TFDP2: variants seen among roughly 807,000 people sequenced by gnomAD.
TFDP2 encodes the protein transcription factor Dp-2 (E2F dimerization partner 2).
In TFDP2, 17 loss-of-function variants were observed where a neutral mutation model predicts 59.3. The observed-to-expected ratio is 0.29, with a 90% confidence interval of 0.20 to 0.43. TFDP2 has a LOEUF of 0.43. Ranked by LOEUF, TFDP2 falls within the 20% of genes least tolerant of loss-of-function variation. The pLI is 1.00. For synonymous variants in TFDP2, 180 were observed against 194.7 expected (o/e 0.92, Z 0.63); for missense variants, 391 against 528.8 (o/e 0.74, Z 2.56).
At chr3:142,124,980 G>C (rs1017157450) in intron 1 of TFDP2, among the ~76,000 whole-genome samples, 1 of 152,056 alleles carries the variant, frequency 6.6e-6, no homozygotes, top group Admixed American at 6.6e-5. Context: ...AGTATTGCTC[G>C]AGGCCAGGAG....
At chr3:142,030,459 T>A (rs1946367297) in intron 3 of TFDP2, among the ~76,000 whole-genome samples, 1 of 152,234 alleles carries the variant, frequency 6.6e-6, no homozygotes, top group Non-Finnish European at 1.5e-5. Flanking sequence ...CAGTTTGGTA[T>A]ATTAAAATCT....
intron 3 of TFDP2, among the ~76,000 whole-genome samples, chr3:142,086,416 A>G (rs1451100671): frequency 6.6e-6 from 1 of 152,202 alleles, no homozygotes; most frequent in Non-Finnish European, 1.5e-5. Flanking sequence ...CCAACCAGCT[A>G]TAAATTGGGG....
intron 1 of TFDP2, among the ~76,000 whole-genome samples, chr3:142,139,684 G>T (rs1232736361): frequency 6.6e-6 from 1 of 152,166 alleles, no homozygotes; most frequent in East Asian, 1.9e-4. Flanking sequence ...TAAGAATGTT[G>T]AATAATGGCC....
intron 6 of TFDP2, among the ~76,000 whole-genome samples, chr3:141,982,497 G>C (rs1319814195): frequency 6.6e-6 from 1 of 151,998 alleles, no homozygotes; most frequent in Admixed American, 6.6e-5. Flanking sequence ...CATCAATTGA[G>C]ATAACTCACT....
chr3:141,997,244 G>A (rs900233962), intron 4 of TFDP2, among the ~76,000 whole-genome samples: 13 of 152,024 alleles, frequency 8.6e-5, no homozygotes, highest in African/African-American at 3.1e-4. Context: ...TAAAATAATA[G>A]GGGAAAAAGT....
chr3:142,028,728 A>G (rs1225643005), intron 3 of TFDP2: 21 of 985,224 alleles, frequency 2.1e-5, no homozygotes, highest in Non-Finnish European at 2.4e-5. Flanking sequence ...AACTAAAAAG[A>G]TGCTCAAGAA....
chr3:141,968,525 TATAG>T (rs1938704899), intron 9 of TFDP2, among the ~76,000 whole-genome samples: 1 of 110,258 alleles, frequency 9.1e-6, no homozygotes, highest in Non-Finnish European at 1.7e-5. Context: ...ATCTCATATA[TATAG>T]ATATATATAA....
intron 3 of TFDP2, among the ~76,000 whole-genome samples, chr3:142,012,831 T>G (rs991747081): frequency 1.3e-5 from 2 of 152,154 alleles, no homozygotes; most frequent in African/African-American, 4.8e-5. Flanking sequence ...TGCATGCACT[T>G]GTTTTATAAT....
At chr3:142,118,411 A>G (rs1305671803) in intron 1 of TFDP2, among the ~76,000 whole-genome samples, 2 of 152,226 alleles carry the variant, frequency 1.3e-5, no homozygotes, top group Non-Finnish European at 2.9e-5. Context: ...GTTGAAAAAC[A>G]ACTGTAACAC....
At chr3:142,054,064 A>C (rs966642511) in intron 3 of TFDP2, 17 of 152,292 alleles carry the variant, frequency 1.1e-4, no homozygotes, top group African/African-American at 3.1e-4. Flanking sequence ...TTGTACAAAC[A>C]CTTTGGGAAA....
At chr3:142,067,506 A>T (rs1257309948) in intron 3 of TFDP2, among the ~76,000 whole-genome samples, 3 of 152,228 alleles carry the variant, frequency 2.0e-5, no homozygotes, top group Admixed American at 2.0e-4. Context: ...TTCCATGCTC[A>T]TGAATAGGAA....
rs1560034097 is a variant in TFDP2, at chr3:142,014,612, A to T, written c.83-9068T>A. ...TTAATTAGTAAGATGCTAACTATAG[A>T]TTACACCATCTTCTTGCTTTTCTTC... is the stretch of plus-strand genomic sequence containing the variant. On this transcript the variant is annotated intron_variant, in intron 3 of 12. Coordinates refer to ENST00000489671, the MANE Select transcript of TFDP2 (RefSeq NM_001178139.2). 2.0e-5 allele frequency among the ~76,000 whole-genome samples: 3 copies of T among 152,088 alleles called. No homozygotes were observed. In the South Asian group the frequency reaches 6.2e-4, roughly 32 times the overall value.
chr3:141,962,595 G>A (rs1937507147), intron 10 of TFDP2, among the ~76,000 whole-genome samples: 1 of 152,092 alleles, frequency 6.6e-6, no homozygotes, highest in Non-Finnish European at 1.5e-5. Flanking sequence ...CTGATCTCAG[G>A]TGATCCACTA....
At chr3:142,032,920 G>A (rs1251031060) in intron 3 of TFDP2, among the ~76,000 whole-genome samples, 1 of 152,186 alleles carries the variant, frequency 6.6e-6, no homozygotes, top group African/African-American at 2.4e-5. Flanking sequence ...AATCAGCCAG[G>A]CGCAGTGGCT....
intron 1 of TFDP2, among the ~76,000 whole-genome samples, chr3:142,129,779 A>C (rs756021229): frequency 1.1e-4 from 16 of 151,910 alleles, no homozygotes; most frequent in Admixed American, 3.9e-4. Context: ...CTTTTACAAA[A>C]AAATTAAAAC....
chr3:141,949,851 C>T lies in TFDP2; in HGVS notation c.*2662G>A, dbSNP rs1479246697. On this transcript the variant is annotated 3_prime_UTR_variant, in exon 13 of 13. Transcript: ENST00000489671. ...TTGAGACAGGGTCTTGCTCTGTCAC[C>T]CAGGCTGGAGTGCAGTGGTGTGATC... 6 of 132,830 alleles carry T rather than the reference C, an allele frequency of 4.5e-5. No individual in the cohort carries two copies. Among genetic ancestry groups the T allele is most frequent in the Non-Finnish European group, 9.1e-5 (6 of 65,658 alleles). 8.2% of individuals were successfully genotyped at this position (132,830 alleles called of 1,614,324 possible).
chr3:141,977,106 A>ATATTT (rs1371079134), intron 7 of TFDP2, among the ~76,000 whole-genome samples: 1 of 97,524 alleles, frequency 1.0e-5, no homozygotes, highest in Non-Finnish European at 2.0e-5. Flanking sequence ...ATATATATAT[A>ATATTT]TTTTTTTTTT....
intron 3 of TFDP2, among the ~76,000 whole-genome samples, chr3:142,063,347 A>C (rs534621795): frequency 1.3e-5 from 2 of 152,342 alleles, no homozygotes; most frequent in East Asian, 3.9e-4. Flanking sequence ...TACATAAAAT[A>C]ATTCTTGTAT....
Position 142,071,312 on chromosome 3 carries a change from G to A in TFDP2, c.82+21749C>T, listed in dbSNP as rs189203596. Reference sequence around the variant, plus strand: ...GCTGGGATTACAGGCGCACACCACCGCACCGGGCTGATTATTTATATTTTT... The same window carrying A: ...GCTGGGATTACAGGCGCACACCACCACACCGGGCTGATTATTTATATTTTT... On this transcript the variant is annotated intron_variant, in intron 3 of 12. Coordinates refer to ENST00000489671, the MANE Select transcript of TFDP2 (RefSeq NM_001178139.2). 2.0e-3 allele frequency among the ~76,000 whole-genome samples: 299 copies of A among 152,012 alleles called. 1 individual carries two copies. Among genetic ancestry groups the A allele is most frequent in the African/African-American group, 6.8e-3 (281 of 41,454 alleles).
Sources: gnomAD v4.1 joint callset for allele counts (sites outside exome capture counted in the v4.1 genomes callset) on GRCh38, gnomAD v4.1.1 for gene constraint, MANE v1.5 for transcripts, NCBI Gene and HGNC (gene_info 2026-07-23, HGNC 2026-07-21) for gene names.